NXPE2: variants seen among roughly 807,000 people sequenced by gnomAD.
The protein encoded by NXPE2 is NXPE family member 2.
In NXPE2, 34 loss-of-function variants were observed where a neutral mutation model predicts 34.4. That is an observed-to-expected ratio of 0.99 (90% CI 0.75 to 1.31). NXPE2 has a LOEUF of 1.31. Ranked by LOEUF, NXPE2 falls within the 40% of genes most tolerant of loss-of-function variation. The probability of loss-of-function intolerance (pLI) is 0.00; values close to 1 mark genes in which losing one functional copy is unlikely to be tolerated. For synonymous variants in NXPE2, 235 were observed against 231.3 expected (o/e 1.02, Z -0.15); for missense variants, 649 against 672.5 (o/e 0.97, Z 0.39).
chr11:114,761,397 G>A, the NXPE2 span, among the ~76,000 whole-genome samples: 1 of 152,076 alleles, frequency 6.6e-6, no homozygotes, highest in Admixed American at 6.5e-5. Flanking sequence ...CACTGAGCCT[G>A]ACATCCAGGG....
the NXPE2 span, among the ~76,000 whole-genome samples, chr11:114,524,569 T>A: frequency 6.6e-6 from 1 of 152,180 alleles, no homozygotes; most frequent in Non-Finnish European, 1.5e-5. Context: ...TACAGTGTGA[T>A]ATTGATGGGT....
chr11:114,614,556 T>A, the NXPE2 span, among the ~76,000 whole-genome samples: 3 of 151,936 alleles, frequency 2.0e-5, no homozygotes, highest in East Asian at 5.9e-4. Context: ...ATACTAAATG[T>A]TACCTTGTGG....
the NXPE2 span, among the ~76,000 whole-genome samples, chr11:114,805,481 T>TCCTACCCTAATACTGAAGCTTTTC: frequency 1.3e-5 from 2 of 152,180 alleles, no homozygotes; most frequent in African/African-American, 2.4e-5. Flanking sequence ...ATCGGGTCAC[T>TCCTACCCTAATACTGAAGCTTTTC]CCTACCCTAA....
rs1286705321 is a variant in NXPE2 at position 114,706,690 on chromosome 11, C to G, written c.1440C>G (p.Ser480Arg). ...QKAIERLFLR[S>R]PETKVILKTE... ...CCATTGAACGTCTATTCTTGCGAAG[C>G]CCGGAGACCAAGGTGATACTTAAAA... Residue 480 changes from serine to arginine, a missense_variant, in exon 6 of 6, where the codon AGC becomes AGG. Transcript: ENST00000389586. 1 of 1,552,126 alleles carries G rather than the reference C, an allele frequency of 6.4e-7. No homozygotes were observed. Among genetic ancestry groups the G allele is most frequent in the East Asian group, 2.4e-5 (1 of 41,068 alleles).
At chr11:114,631,819 C>A in the NXPE2 span, among the ~76,000 whole-genome samples, 1 of 151,506 alleles carries the variant, frequency 6.6e-6, no homozygotes, top group Non-Finnish European at 1.5e-5. Context: ...AGTATTGCCT[C>A]ATGGGTAACC....
chr11:114,584,888 C>G, the NXPE2 span, among the ~76,000 whole-genome samples: 1 of 152,142 alleles, frequency 6.6e-6, no homozygotes, highest in Admixed American at 6.5e-5. Context: ...TAGGAAATGC[C>G]TTGCCACCTA....
At chr11:114,778,528 T>C in the NXPE2 span, among the ~76,000 whole-genome samples, 2 of 152,238 alleles carry the variant, frequency 1.3e-5, no homozygotes, top group African/African-American at 4.8e-5. Flanking sequence ...TTGGGGGAGA[T>C]GAGAAGTGAC....
At chr11:114,633,426 A>T in the NXPE2 span, among the ~76,000 whole-genome samples, 3 of 146,000 alleles carry the variant, frequency 2.1e-5, no homozygotes, top group Non-Finnish European at 4.5e-5. Context: ...GTTATATACA[A>T]TATAGTATAG....
At chr11:114,506,949 GT>G in the NXPE2 span, among the ~76,000 whole-genome samples, 1 of 151,904 alleles carries the variant, frequency 6.6e-6, no homozygotes, top group East Asian at 1.9e-4. Context: ...CCAGGAGCTG[GT>G]TTTTTGAAAA....
the NXPE2 span, among the ~76,000 whole-genome samples, chr11:114,779,805 G>C: frequency 6.6e-6 from 1 of 152,112 alleles, no homozygotes; most frequent in Non-Finnish European, 1.5e-5. Flanking sequence ...TCACACGCCG[G>C]TGATTCCTCC....
At chr11:114,801,633 T>C in the NXPE2 span, among the ~76,000 whole-genome samples, 1 of 152,184 alleles carries the variant, frequency 6.6e-6, no homozygotes, top group African/African-American at 2.4e-5. Context: ...GGAGACCAGT[T>C]AGGAAGCTGT....
the NXPE2 span, among the ~76,000 whole-genome samples, chr11:114,489,658 C>T: frequency 6.5e-3 from 990 of 152,314 alleles, 9 homozygotes; most frequent in South Asian, 0.031. Flanking sequence ...AATTCAACAA[C>T]GCTTCATGCT....
rs1301209344 is a variant in NXPE2 at position 114,705,943 on chromosome 11, TG to T, written c.1094del (p.Gly365GlufsTer16). On this transcript the variant is annotated frameshift_variant, in exon 5 of 6. Coordinates refer to ENST00000389586, the MANE Select transcript of NXPE2 (RefSeq NM_182495.6). LOFTEE classifies it high-confidence loss of function. ...TTGGAAAGAAAACTTATTTATCTCA[TG>T]GGAGATTCAACACTGCATCAGTGGA... Reference protein sequence around the residue: ...DCLERKLIYLMGDSTLHQWIY... With the variant: ...DCLERKLIYLXGDSTLHQWIY... 2.0e-6 allele frequency: 3 copies of T among 1,537,838 alleles called. No homozygotes were observed. Among genetic ancestry groups the T allele is most frequent in the Non-Finnish European group, 2.6e-6 (3 of 1,141,206 alleles).
the NXPE2 span, among the ~76,000 whole-genome samples, chr11:114,541,600 TG>T: frequency 1.3e-5 from 2 of 152,148 alleles, no homozygotes; most frequent in Non-Finnish European, 2.9e-5. Context: ...TGGGGAGGCA[TG>T]AAACATCAAT....
At chr11:114,558,915 A>G in the NXPE2 span, among the ~76,000 whole-genome samples, 3 of 152,200 alleles carry the variant, frequency 2.0e-5, no homozygotes, top group African/African-American at 7.2e-5. Flanking sequence ...CTGTAATTGT[A>G]GGGAATTAAA....
chr11:114,658,582 ACT>A, the NXPE2 span, among the ~76,000 whole-genome samples: 1 of 152,182 alleles, frequency 6.6e-6, no homozygotes, highest in Admixed American at 6.6e-5. Flanking sequence ...GTGTTATGCT[ACT>A]GGCAGAAGGG....
chr11:114,753,372 G>A, the NXPE2 span, among the ~76,000 whole-genome samples: 5 of 150,748 alleles, frequency 3.3e-5, no homozygotes, highest in Admixed American at 2.7e-4. Context: ...CAGCCTCGGC[G>A]ACAGAGCAAG....
the NXPE2 span, among the ~76,000 whole-genome samples, chr11:114,516,429 G>A: frequency 6.6e-5 from 10 of 152,150 alleles, no homozygotes; most frequent in Middle Eastern, 3.4e-3. Flanking sequence ...ATACAGTGAT[G>A]GAGTATCAAA....
the NXPE2 span, among the ~76,000 whole-genome samples, chr11:114,811,720 A>G: frequency 6.6e-6 from 1 of 152,174 alleles, no homozygotes; most frequent in East Asian, 1.9e-4. Flanking sequence ...GGATCCAGGC[A>G]CCAATACTGA....
Sources: gnomAD v4.1 joint callset for allele counts (sites outside exome capture counted in the v4.1 genomes callset) on GRCh38, gnomAD v4.1.1 for gene constraint, MANE v1.5 for transcripts, NCBI Gene and HGNC (gene_info 2026-07-23, HGNC 2026-07-21) for gene names.